SOS2: variants seen among roughly 807,000 people sequenced by gnomAD.
SOS2 encodes son of sevenless homolog 2.
In SOS2, 65 loss-of-function variants were observed where a neutral mutation model predicts 148.2. The observed-to-expected ratio is 0.44, with a 90% CI of 0.36 to 0.54. The LOEUF is 0.54. Among genes scored for constraint, SOS2 ranks in the 20% least tolerant of loss-of-function variants. The pLI, the probability that SOS2 is intolerant of heterozygous loss-of-function variation, is 0.00. For missense variants in SOS2, 1,341 were observed against 1,590.2 expected (o/e 0.84, Z 2.67); for synonymous variants, 539 against 537.1 (o/e 1.00, Z -0.05).
chr14:50,145,429 C>T (rs199762662), intron 15 of SOS2, 48 bp downstream of exon 15: 2 of 1,574,718 alleles, frequency 1.3e-6, no homozygotes, highest in African/African-American at 1.4e-5. Flanking sequence ...TTAAATATGA[C>T]TTAATATTAT....
At chr14:50,209,158 G>A (rs1886774927) in intron 1 of SOS2, among the ~76,000 whole-genome samples, 1 of 152,118 alleles carries the variant, frequency 6.6e-6, no homozygotes, top group African/African-American at 2.4e-5. Context: ...CTGGTTCTCA[G>A]GCCTTCAGAC....
intron 3 of SOS2, among the ~76,000 whole-genome samples, chr14:50,200,712 T>C (rs550235393): frequency 1.4e-4 from 21 of 151,832 alleles, no homozygotes; most frequent in African/African-American, 4.8e-4. Flanking sequence ...CACAAAATAA[T>C]AGTAATGCAT....
intron 12 of SOS2, among the ~76,000 whole-genome samples, chr14:50,154,403 A>C (rs1304944795): frequency 2.0e-5 from 3 of 152,220 alleles, no homozygotes; most frequent in African/African-American, 7.2e-5. Flanking sequence ...GTTGGTGAGA[A>C]TGTTTTGGAA....
intron 10 of SOS2, among the ~76,000 whole-genome samples, chr14:50,159,048 G>C (rs1256680935): frequency 6.6e-6 from 1 of 151,946 alleles, no homozygotes; most frequent in Non-Finnish European, 1.5e-5. Flanking sequence ...AAATTAGCCG[G>C]GCATTGTTGC....
At chr14:50,132,700 A>G (rs1883920537) in intron 19 of SOS2, among the ~76,000 whole-genome samples, 1 of 152,118 alleles carries the variant, frequency 6.6e-6, no homozygotes, top group Non-Finnish European at 1.5e-5. Flanking sequence ...GGTCATGGCA[A>G]CAGTTTTTTA....
At chr14:50,132,493 T>G (rs1883911468) in intron 19 of SOS2, among the ~76,000 whole-genome samples, 1 of 151,252 alleles carries the variant, frequency 6.6e-6, no homozygotes, top group African/African-American at 2.4e-5. Flanking sequence ...AAACCTCATC[T>G]CTATTAAAAA....
At chr14:50,188,793 G>A in intron 4 of SOS2, 93 bp from the exon 5 acceptor site, 1 of 862,864 alleles carries the variant, frequency 1.2e-6, no homozygotes, top group South Asian at 1.7e-5. Context: ...TTATTAAACA[G>A]GGCTGGGTGT....
chr14:50,200,882 T>G, intron 3 of SOS2, 71 bp downstream of exon 3: 1 of 1,455,928 alleles, frequency 6.9e-7, no homozygotes. Flanking sequence ...CATTAATGCT[T>G]TATAAATATA....
chr14:50,140,901 C>T (rs1221361322), intron 16 of SOS2, among the ~76,000 whole-genome samples: 3 of 151,974 alleles, frequency 2.0e-5, no homozygotes, highest in Non-Finnish European at 2.9e-5. Context: ...ATAAAGAAAT[C>T]AGGATTTAAA....
At chr14:50,175,015 C>G (rs942396363) in intron 7 of SOS2, among the ~76,000 whole-genome samples, 1 of 152,174 alleles carries the variant, frequency 6.6e-6, no homozygotes, top group Non-Finnish European at 1.5e-5. Flanking sequence ...GTCTGTCATA[C>G]AACTTAATTG....
chr14:50,148,185 G>A (rs1884551420), intron 14 of SOS2, among the ~76,000 whole-genome samples: 1 of 152,102 alleles, frequency 6.6e-6, no homozygotes, highest in South Asian at 2.1e-4. Flanking sequence ...GCTGAGGTGG[G>A]TGGATCACTG....
intron 1 of SOS2, among the ~76,000 whole-genome samples, chr14:50,225,406 T>C (rs1887338148): frequency 6.6e-6 from 1 of 152,204 alleles, no homozygotes. Flanking sequence ...ACAAAAGACA[T>C]ATAGTTGATT....
chr14:50,194,290 C>T (rs1057382657), intron 4 of SOS2, among the ~76,000 whole-genome samples: 3 of 151,998 alleles, frequency 2.0e-5, no homozygotes, highest in Non-Finnish European at 4.4e-5. Context: ...AATATTTATC[C>T]CCTGGCCCTT....
intron 18 of SOS2, among the ~76,000 whole-genome samples, chr14:50,135,973 T>C (rs1884065794): frequency 1.3e-5 from 2 of 152,136 alleles, no homozygotes; most frequent in African/African-American, 4.8e-5. Flanking sequence ...TTTGAAGTGG[T>C]TTAGAAGCAT....
Position 50,120,393 on chromosome 14 carries a change from G to A in SOS2, c.3380-9C>T. 7.6e-7 allele frequency: 1 copy of A among 1,311,652 alleles called. No homozygotes were observed. Among genetic ancestry groups the A allele is most frequent in the Non-Finnish European group, 1.1e-6 (1 of 912,004 alleles). 81.3% of individuals were successfully genotyped at this position (1,311,652 alleles called of 1,614,324 possible). Reference sequence around the variant, plus strand: ...TGAACTAAAGAAAGACTCTGGGGGAGAAAAAGACTAGTTTAACCACAATTC... The same window carrying A: ...TGAACTAAAGAAAGACTCTGGGGGAAAAAAAGACTAGTTTAACCACAATTC... On this transcript the variant is annotated splice_polypyrimidine_tract_variant and intron_variant, in intron 21 of 22. Coordinates refer to ENST00000216373, the MANE Select transcript of SOS2 (RefSeq NM_006939.4).
chr14:50,120,346 T>G lies in SOS2; in HGVS notation c.3418A>C (p.Ser1140Arg). ...FSSCGSLHKL[S>R]EEPLIPPPLP... ...GGAGGAGGAATCAGGGGCTCTTCAC[T>G]TAGTTTATGTAAACTACCACATGAA... is the stretch of plus-strand genomic sequence containing the variant. The change falls in exon 22 of 23, where the codon AGT becomes CGT. Residue 1140 changes from serine (S) to arginine (R), a missense_variant. Physicochemically the swap from Ser to Arg is moderately radical, Grantham distance 110. Coordinates refer to ENST00000216373, the MANE Select transcript of SOS2 (RefSeq NM_006939.4). 1 of 1,605,874 alleles carries G rather than the reference T, an allele frequency of 6.2e-7. No homozygotes were observed.
chr14:50,207,983 C>T (rs1439857140), intron 1 of SOS2, among the ~76,000 whole-genome samples: 1 of 151,594 alleles, frequency 6.6e-6, no homozygotes, highest in African/African-American at 2.4e-5. Context: ...GAAAAATATT[C>T]AACATTCATT....
At position 50,170,683 on chromosome 14, in the gene SOS2, C is replaced by T. The variant is rs151269798; in HGVS notation, c.1068+3771G>A. ...GCAAGACCCTGTCCCAAAAACAACA[C>T]AATAAAATAGATGATATACAAATAG... On this transcript the variant is annotated intron_variant, in intron 8 of 22. Transcript: ENST00000216373. Among the ~76,000 whole-genome samples, 245 of 151,568 alleles carry T rather than the reference C, an allele frequency of 1.6e-3. 1 individual carries two copies. Among genetic ancestry groups the T allele is most frequent in the African/African-American group, 5.7e-3 (236 of 41,298 alleles).
chr14:50,162,957 G>A (rs950078472), intron 8 of SOS2, among the ~76,000 whole-genome samples: 1 of 149,586 alleles, frequency 6.7e-6, no homozygotes, highest in Non-Finnish European at 1.5e-5. Flanking sequence ...AATACGGTGA[G>A]GTGATCATGG....
Sources: allele counts gnomAD v4.1 joint callset (sites outside exome capture counted in the v4.1 genomes callset), GRCh38; gene constraint gnomAD v4.1.1; transcripts MANE v1.5; gene names NCBI Gene and HGNC (gene_info 2026-07-23, HGNC 2026-07-21).